The following UBR3 variants were observed in gnomAD, a reference collection of about 807,000 sequenced individuals.
UBR3 encodes ubiquitin protein ligase E3 component n-recognin 3.
A neutral mutation model predicts 243.2 loss-of-function variants in UBR3; 85 were observed. That is an observed-to-expected ratio of 0.35 (90% CI 0.29 to 0.42). The LOEUF is 0.42. Ranked by LOEUF, UBR3 falls within the 10% of genes least tolerant of loss-of-function variation. The pLI, the probability that UBR3 is intolerant of heterozygous loss-of-function variation, is 1.00. For missense variants in UBR3, 1,686 were observed against 2,300.8 expected, an observed-to-expected ratio of 0.73 and a Z score of 5.47; for synonymous variants, 748 against 799.8, an observed-to-expected ratio of 0.94 and a Z score of 1.09.
chr2:169,936,136 C>T (rs945284742), intron 19 of UBR3, among the ~76,000 whole-genome samples: 3 of 151,858 alleles, frequency 2.0e-5, no homozygotes, highest in Non-Finnish European at 2.9e-5. Context: ...CTCGGCTCAC[C>T]GCAACCTCTG....
chr2:170,074,331 A>C (rs1368873160), intron 36 of UBR3, among the ~76,000 whole-genome samples: 11 of 152,170 alleles, frequency 7.2e-5, no homozygotes. Context: ...CCAGATGTAC[A>C]TGACTTTAAG....
At chr2:170,007,221 G>C in intron 28 of UBR3, 31 bp downstream of exon 28, 1 of 1,552,276 alleles carries the variant, frequency 6.4e-7, no homozygotes, top group South Asian at 1.2e-5. Flanking sequence ...TAAATATCCT[G>C]GTTAACTCAG....
intron 1 of UBR3, among the ~76,000 whole-genome samples, chr2:169,870,559 T>C (rs1438789470): frequency 6.6e-6 from 1 of 152,210 alleles, no homozygotes; most frequent in African/African-American, 2.4e-5. Context: ...TTCACAAATA[T>C]GATCTTCCAT....
At chr2:169,987,405 A>C (rs1235543235) in intron 25 of UBR3, among the ~76,000 whole-genome samples, 5 of 150,526 alleles carry the variant, frequency 3.3e-5, no homozygotes, top group African/African-American at 9.7e-5. Flanking sequence ...AAAAAAAAAA[A>C]AAACAAAAAA....
At chr2:169,996,530 G>T (rs927082856) in intron 26 of UBR3, among the ~76,000 whole-genome samples, 1 of 152,068 alleles carries the variant, frequency 6.6e-6, no homozygotes, top group Non-Finnish European at 1.5e-5. Context: ...TAGACAGTTT[G>T]GGTTAGGTAA....
At chr2:169,928,676 T>C (rs2086002082) in intron 17 of UBR3, 51 bp from the exon 18 acceptor site, 4 of 1,384,540 alleles carry the variant, frequency 2.9e-6, no homozygotes, top group Non-Finnish European at 3.8e-6. Context: ...TTGGAAAGGC[T>C]ATAAATCTGG....
At position 170,067,224 on chromosome 2, in the gene UBR3, T is replaced by C. The variant is rs193144773; in HGVS notation, c.5019+5781T>C. 5.5e-3 allele frequency among the ~76,000 whole-genome samples: 832 copies of C among 152,178 alleles called. 3 individuals carry two copies. The highest frequency in any genetic ancestry group is 9.7e-3 in the Non-Finnish European group (663 of 68,006). On this transcript the variant is annotated intron_variant, in intron 35 of 38. Transcript: ENST00000272793. Reference sequence around the variant, plus strand: ...AGTTTCCTATCATAAGCTGGAAAAATGTTGCTATTTTTCTACCATTGGCAG... The same window carrying C: ...AGTTTCCTATCATAAGCTGGAAAAACGTTGCTATTTTTCTACCATTGGCAG...
intron 19 of UBR3, among the ~76,000 whole-genome samples, chr2:169,942,170 T>G (rs944861660): frequency 6.6e-6 from 1 of 152,226 alleles, no homozygotes; most frequent in African/African-American, 2.4e-5. Flanking sequence ...GTCGTCTATT[T>G]TGCTTAATCG....
chr2:169,918,623 A>G (rs2085558489), intron 11 of UBR3, among the ~76,000 whole-genome samples: 1 of 152,166 alleles, frequency 6.6e-6, no homozygotes, highest in African/African-American at 2.4e-5. Flanking sequence ...TGCCTGGCCA[A>G]TAATATGTTT....
chr2:169,898,858 C>A (rs1304400039), intron 8 of UBR3, among the ~76,000 whole-genome samples: 1 of 148,248 alleles, frequency 6.7e-6, no homozygotes, highest in African/African-American at 2.5e-5. Flanking sequence ...CCCACCACCA[C>A]GCCCAGCTAA....
intron 1 of UBR3, among the ~76,000 whole-genome samples, chr2:169,857,463 C>CTGGA (rs2082926358): frequency 6.6e-6 from 1 of 152,104 alleles, no homozygotes; most frequent in South Asian, 2.1e-4. Context: ...GTTGCCCAGG[C>CTGGA]TGGAGTGCAA....
At chr2:169,881,109 A>G (rs2083803586) in intron 5 of UBR3, among the ~76,000 whole-genome samples, 1 of 152,166 alleles carries the variant, frequency 6.6e-6, no homozygotes, top group African/African-American at 2.4e-5. Context: ...ATAGCTGAGA[A>G]GATTTACTTT....
intron 30 of UBR3, among the ~76,000 whole-genome samples, chr2:170,016,663 T>C (rs1438740445): frequency 6.6e-6 from 1 of 151,988 alleles, no homozygotes; most frequent in Non-Finnish European, 1.5e-5. Flanking sequence ...AAGGGTTTTC[T>C]GTTTTTAAAA....
chr2:169,959,045 G>A (rs1321052672), intron 24 of UBR3, among the ~76,000 whole-genome samples: 1 of 152,096 alleles, frequency 6.6e-6, no homozygotes, highest in Non-Finnish European at 1.5e-5. Context: ...AAATCTCAGT[G>A]TCAGTCTTTA....
intron 24 of UBR3, among the ~76,000 whole-genome samples, chr2:169,967,217 TTG>T (rs2087853725): frequency 6.6e-6 from 1 of 151,612 alleles, no homozygotes; most frequent in African/African-American, 2.4e-5. Context: ...TTAAAGCAAA[TTG>T]AGGAGAGTAT....
intron 26 of UBR3, among the ~76,000 whole-genome samples, chr2:169,996,508 G>T (rs1225920487): frequency 1.3e-5 from 2 of 152,144 alleles, no homozygotes; most frequent in Non-Finnish European, 1.5e-5. Context: ...AGGAAGGCTA[G>T]GTTAGGCCTG....
intron 11 of UBR3, among the ~76,000 whole-genome samples, chr2:169,917,719 G>A (rs1008636810): frequency 1.3e-5 from 2 of 151,638 alleles, no homozygotes; most frequent in Non-Finnish European, 2.9e-5. Context: ...TATTTTTTTC[G>A]AGATGGAGTT....
chr2:170,020,642 A>G (rs1208347329), intron 30 of UBR3, among the ~76,000 whole-genome samples: 1 of 152,202 alleles, frequency 6.6e-6, no homozygotes, highest in Non-Finnish European at 1.5e-5. Flanking sequence ...GACATTAAGC[A>G]TAAAAGGCAA....
At chr2:169,922,288 TAAAAA>T in intron 11 of UBR3, among the ~76,000 whole-genome samples, 1 of 122,756 alleles carries the variant, frequency 8.1e-6, no homozygotes, top group African/African-American at 3.0e-5. Flanking sequence ...CCTGTCTATT[TAAAAA>T]AAAAAAAAAA....
Sources: allele counts gnomAD v4.1 joint callset (sites outside exome capture counted in the v4.1 genomes callset), GRCh38; gene constraint gnomAD v4.1.1; transcripts MANE v1.5; gene names NCBI Gene and HGNC (gene_info 2026-07-23, HGNC 2026-07-21).